Variants in DOP1B observed in about 807,000 individuals in gnomAD.
The protein encoded by DOP1B is protein DOP1B.
A neutral mutation model predicts 233.5 loss-of-function variants in DOP1B; 174 were observed. That is an observed-to-expected ratio of 0.75 (90% CI 0.66 to 0.85). The LOEUF (loss-of-function observed/expected upper bound fraction) is 0.85, where lower values mean the gene tolerates loss of function less well. Ranked by LOEUF, DOP1B falls within the 40% of genes least tolerant of loss-of-function variation. The pLI is 0.00. For missense variants in DOP1B, 2,652 were observed against 2,846.6 expected, an observed-to-expected ratio of 0.93 and a Z score of 1.56; for synonymous variants, 1,190 against 1,185.6, an observed-to-expected ratio of 1.00 and a Z score of -0.08.
intron 5 of DOP1B, among the ~76,000 whole-genome samples, chr21:36,211,285 T>C (rs1352736205): frequency 1.3e-5 from 2 of 152,202 alleles, no homozygotes; most frequent in African/African-American, 4.8e-5. Flanking sequence ...TCTGGGATCG[T>C]AGAATTTGAG....
At chr21:36,230,395 C>A (rs868632872) in intron 13 of DOP1B, 55 bp from the exon 14 acceptor site, 5 of 1,529,034 alleles carry the variant, frequency 3.3e-6, no homozygotes, top group Middle Eastern at 3.5e-4. Context: ...TCAACTGATA[C>A]TTAAATAGCT....
In DOP1B at chr21:36,253,758, T is replaced by C. The variant is rs1462976823; in HGVS notation, c.5122-14T>C. On this transcript the variant is annotated splice_polypyrimidine_tract_variant and intron_variant, in intron 22 of 36. Transcript: ENST00000691173. ...CTCTATAAGCTTTCAAGGAACTTTT[T>C]TTTTTCTTGGCAGATTATCCCAACG... The C allele has an allele frequency of 3.1e-6, 5 of 1,609,020 alleles. No individual in the cohort carries two copies. In the East Asian group the frequency reaches 1.1e-4, roughly 36 times the overall value.
At chr21:36,227,462 G>C (rs1402260402) in intron 12 of DOP1B, among the ~76,000 whole-genome samples, 1 of 151,556 alleles carries the variant, frequency 6.6e-6, no homozygotes, top group Non-Finnish European at 1.5e-5. Context: ...CAGGAGAATG[G>C]CGTGAACCCG....
In DOP1B at chr21:36,278,248, GC is replaced by G; in HGVS notation, c.5863del (p.Leu1955Ter). 6.2e-7 allele frequency: 1 copy of G among 1,614,116 alleles called. No individual in the cohort carries two copies. Among genetic ancestry groups the G allele is most frequent in the South Asian group, 1.1e-5 (1 of 91,088 alleles). ...APSFRAGAQLLSSLSGYAYTK... is the reference protein window; with the variant it reads ...APSFRAGAQLXSSLSGYAYTK... ...CCAGCTTCCGGGCTGGCGCTCAGCT[GC>G]TGAGCTCCCTGAGTGGCTATGCCTA... On this transcript the variant is annotated frameshift_variant, in exon 30 of 37. Coordinates refer to ENST00000691173, the MANE Select transcript of DOP1B (RefSeq NM_001320714.2). LOFTEE classifies it high-confidence loss of function.
At chr21:36,271,286 GGTTGGAGTT>G (rs59968644) in intron 27 of DOP1B, among the ~76,000 whole-genome samples, 2,661 of 135,820 alleles carry the variant, frequency 0.02, 68 homozygotes, top group African/African-American at 0.062. Context: ...AGTTCACCCA[GGTTGGAGTT>G]CACCCAGGTT....
chr21:36,247,710 C>T (rs189180843), intron 20 of DOP1B, 82 bp downstream of exon 20: 12 of 1,004,362 alleles, frequency 1.2e-5, no homozygotes, highest in East Asian at 2.5e-5. Flanking sequence ...AAATAAGTAA[C>T]GTATGTATGT....
chr21:36,208,192 A>G (rs879703357), intron 4 of DOP1B, among the ~76,000 whole-genome samples: 4 of 151,788 alleles, frequency 2.6e-5, no homozygotes, highest in African/African-American at 7.3e-5. Flanking sequence ...GGCCCCAGGC[A>G]GATTTGCCCC....
chr21:36,228,765 CAAAAT>C (rs1413387544), intron 13 of DOP1B, among the ~76,000 whole-genome samples: 1 of 143,892 alleles, frequency 6.9e-6, no homozygotes, highest in Non-Finnish European at 1.5e-5. Flanking sequence ...GACTCTGTCT[CAAAAT>C]AAATAAATAA....
chr21:36,210,735 G>A (rs2066486972), intron 5 of DOP1B, among the ~76,000 whole-genome samples: 1 of 151,924 alleles, frequency 6.6e-6, no homozygotes, highest in Non-Finnish European at 1.5e-5. Context: ...TCGCTTGAAC[G>A]CCGGTGGCAG....
Position 36,246,181 on chromosome 21 carries a change from C to G in DOP1B, c.4201C>G (p.Arg1401Gly). 1 of 1,613,708 alleles carries G rather than the reference C, an allele frequency of 6.2e-7. No individual in the cohort carries two copies. Among genetic ancestry groups the G allele is most frequent in the Non-Finnish European group, 8.5e-7 (1 of 1,180,012 alleles). The change falls in exon 19 of 37, where the codon CGC becomes GGC. Residue 1401 changes from arginine to glycine, a missense_variant. Arg to Gly is a moderately radical substitution (Grantham distance 125). This residue lies in a region of DOP1B where 2,617 missense variants were observed against 2,794.3 expected (regional missense o/e 0.94). Coordinates refer to ENST00000691173, the MANE Select transcript of DOP1B (RefSeq NM_001320714.2). This position sits in a 1 kb window ranked among gnomAD's most constrained non-coding sequence, Gnocchi z 5.1. Reference sequence around the variant, plus strand: ...GGCGTCCATGTACACGAGCCAGAAGCGCTACGGGCTGGCCACCGCCCACCA... The same window carrying G: ...GGCGTCCATGTACACGAGCCAGAAGGGCTACGGGCTGGCCACCGCCCACCA... ...LSASMYTSQK[R>G]YGLATAHHGR...
chr21:36,225,996 T>A (rs1180400743), intron 12 of DOP1B, among the ~76,000 whole-genome samples: 1 of 152,184 alleles, frequency 6.6e-6, no homozygotes, highest in Non-Finnish European at 1.5e-5. Context: ...ATTGTGCTGT[T>A]GGCTAATTTT....
chr21:36,233,769 T>G (rs2066793980), intron 15 of DOP1B, among the ~76,000 whole-genome samples: 1 of 152,172 alleles, frequency 6.6e-6, no homozygotes, highest in Non-Finnish European at 1.5e-5. Flanking sequence ...GTGGAACTCC[T>G]CACACCGCTC....
rs2067057304 is a variant in DOP1B at position 36,253,670 on chromosome 21, A to AT, written c.5122-99dup. Reference sequence around the variant, plus strand: ...AAAAAAAAGAGATGAAAACAGATTGATTTCTCCAGGGACGACTACTGTAGA... The same window carrying AT: ...AAAAAAAAGAGATGAAAACAGATTGATTTTCTCCAGGGACGACTACTGTAGA... On this transcript the variant is annotated intron_variant, in intron 22 of 36. Coordinates refer to ENST00000691173, the MANE Select transcript of DOP1B (RefSeq NM_001320714.2). The AT allele has an allele frequency of 4.8e-6, 6 of 1,250,492 alleles. No homozygotes were observed. In the Admixed American group the frequency reaches 1.4e-4, roughly 30 times the overall value. 77.5% of individuals were successfully genotyped at this position (1,250,492 alleles called of 1,614,324 possible).
intron 2 of DOP1B, among the ~76,000 whole-genome samples, chr21:36,198,478 G>T (rs1037321703): frequency 1.3e-5 from 2 of 151,118 alleles, no homozygotes. Context: ...GGCCTCCCAC[G>T]CACAAAGTTC....
chr21:36,180,363 G>A (rs2123428567), intron 2 of DOP1B, among the ~76,000 whole-genome samples: 1 of 152,280 alleles, frequency 6.6e-6, no homozygotes, highest in Middle Eastern at 3.4e-3. Context: ...GAGGTCAGGA[G>A]TTCAAGACCA....
intron 8 of DOP1B, 63 bp from the exon 9 acceptor site, chr21:36,214,379 C>T: frequency 6.7e-7 from 1 of 1,490,262 alleles, no homozygotes; most frequent in Non-Finnish European, 9.2e-7. Context: ...TTAGAATAGC[C>T]AGTAATGTTG....
At chr21:36,172,995 C>T (rs1171091551) in intron 2 of DOP1B, among the ~76,000 whole-genome samples, 1 of 152,102 alleles carries the variant, frequency 6.6e-6, no homozygotes, top group Non-Finnish European at 1.5e-5. Context: ...TGGCGAATGC[C>T]TGTAGTCCCA....
chr21:36,256,883 G>A (rs1450144863), intron 23 of DOP1B, among the ~76,000 whole-genome samples: 3 of 152,084 alleles, frequency 2.0e-5, no homozygotes, highest in Non-Finnish European at 4.4e-5. Context: ...ATTCCGCAGT[G>A]GACACCAGTT....
chr21:36,262,346 C>T (rs768092756), intron 24 of DOP1B, among the ~76,000 whole-genome samples: 1 of 152,198 alleles, frequency 6.6e-6, no homozygotes, highest in African/African-American at 2.4e-5. Context: ...CTAGGTCACA[C>T]AATAGGTAGT....
Sources: gnomAD v4.1 joint callset for allele counts (sites outside exome capture counted in the v4.1 genomes callset) on GRCh38, gnomAD v4.1.1 for gene constraint, gnomAD v4.1.1 regional missense constraint, Gnocchi (gnomAD v3.1) non-coding constraint, MANE v1.5 for transcripts, NCBI Gene and HGNC (gene_info 2026-07-23, HGNC 2026-07-21) for gene names.